The following CHN2 variants were observed in gnomAD, a reference collection of about 807,000 sequenced individuals.
CHN2 encodes chimerin 2.
CHN2 carries 35 observed loss-of-function variants against 56.3 expected under a neutral mutation model. That is an observed-to-expected ratio of 0.62 (90% CI 0.47 to 0.82). CHN2 has a LOEUF of 0.82. Among genes scored for constraint, CHN2 ranks in the 40% least tolerant of loss-of-function variants. CHN2 has a pLI of 0.00. For synonymous variants in CHN2, 210 were observed against 212.8 expected, an observed-to-expected ratio of 0.99 and a Z score of 0.12; for missense variants, 491 against 580.5, an observed-to-expected ratio of 0.85 and a Z score of 1.58.
intron 3 of CHN2, among the ~76,000 whole-genome samples, chr7:29,381,121 T>C (rs1800463898): frequency 6.6e-6 from 1 of 152,168 alleles, no homozygotes; most frequent in Non-Finnish European, 1.5e-5. Flanking sequence ...TCCTTTACAG[T>C]ATTTCTTATT....
intron 1 of CHN2, among the ~76,000 whole-genome samples, chr7:29,280,778 A>G (rs1278069876): frequency 6.6e-6 from 1 of 152,168 alleles, no homozygotes; most frequent in Non-Finnish European, 1.5e-5. Context: ...TCAAAAACCA[A>G]TGAGTGATAG....
chr7:29,448,296 G>T (rs1784171655), intron 6 of CHN2, among the ~76,000 whole-genome samples: 1 of 150,774 alleles, frequency 6.6e-6, no homozygotes, highest in African/African-American at 2.4e-5. Flanking sequence ...ATAGCTTCTT[G>T]ATATTCCCAG....
chr7:29,492,685 C>T (rs947377949), intron 7 of CHN2, among the ~76,000 whole-genome samples: 1 of 152,176 alleles, frequency 6.6e-6, no homozygotes, highest in Admixed American at 6.5e-5. Context: ...TCATAGCCAG[C>T]CTTCCTGATA....
chr7:29,180,411 C>T (rs1254466054), intron 2 of CHN2, among the ~76,000 whole-genome samples: 1 of 151,986 alleles, frequency 6.6e-6, no homozygotes, highest in Non-Finnish European at 1.5e-5. Context: ...CCTGTAGTCC[C>T]AGCTACTCAG....
chr7:29,376,844 G>C (rs10254959), intron 3 of CHN2, among the ~76,000 whole-genome samples: 7 of 152,112 alleles, frequency 4.6e-5, no homozygotes, highest in Non-Finnish European at 1.0e-4. Flanking sequence ...TAACTTTCCT[G>C]TACTCTTTTA....
intron 6 of CHN2, among the ~76,000 whole-genome samples, chr7:29,420,778 A>G (rs529304501): frequency 6.6e-6 from 1 of 151,868 alleles, no homozygotes; most frequent in South Asian, 2.1e-4. Flanking sequence ...AAGATGATAA[A>G]TTTTAGATTA....
intron 2 of CHN2, among the ~76,000 whole-genome samples, chr7:29,357,066 C>T (rs1004893538): frequency 1.3e-5 from 2 of 152,208 alleles, no homozygotes; most frequent in African/African-American, 4.8e-5. Context: ...CCAGTAACAT[C>T]TCTTAAAAGT....
rs995049026 is a variant in CHN2, at chr7:29,352,725, AAAAC to A, written c.50-1888_50-1885del. ...GTGATAGAGTGGGACTCTGTCTCAA[AAAAC>A]AAACAAACAAAAAACAAAAAAAGCA... On this transcript the variant is annotated intron_variant, in intron 1 of 12. Coordinates refer to ENST00000222792, the MANE Select transcript of CHN2 (RefSeq NM_004067.4). 7.2e-5 allele frequency among the ~76,000 whole-genome samples: 11 copies of A among 152,270 alleles called. No homozygotes were observed. The East Asian group carries it at 9.6e-4, about 13-fold the overall frequency.
At chr7:29,497,773 G>A (rs190585276) in intron 8 of CHN2, among the ~76,000 whole-genome samples, 1 of 152,292 alleles carries the variant, frequency 6.6e-6, no homozygotes, top group East Asian at 1.9e-4. Context: ...TAAAATATCA[G>A]TATTAAACTC....
chr7:29,461,136 C>A (rs1055508641), intron 6 of CHN2, among the ~76,000 whole-genome samples: 16 of 152,204 alleles, frequency 1.1e-4, no homozygotes, highest in Non-Finnish European at 8.8e-5. Context: ...ATGTTTTGAG[C>A]AACCAATCAA....
chr7:29,511,775 T>C (rs1791452769), intron 12 of CHN2, among the ~76,000 whole-genome samples: 1 of 152,056 alleles, frequency 6.6e-6, no homozygotes, highest in Non-Finnish European at 1.5e-5. Context: ...CCATTCCCTT[T>C]TACATCTATT....
intron 6 of CHN2, among the ~76,000 whole-genome samples, chr7:29,449,539 A>T (rs1418129657): frequency 6.6e-6 from 1 of 152,238 alleles, no homozygotes; most frequent in Non-Finnish European, 1.5e-5. Context: ...CAGGACAGAG[A>T]CTATATGGGC....
Position 29,195,010 on chromosome 7 carries a change from G to C in CHN2, c.49+20G>C. On this transcript the variant is annotated intron_variant, in intron 1 of 12. Coordinates refer to ENST00000222792, the MANE Select transcript of CHN2 (RefSeq NM_004067.4). ...CCTCCGGTGAGTTTCAGCCCGTCGG[G>C]CGCTGCTGCCGCGCCGGGTCTCGCC... 1.3e-6 allele frequency: 2 copies of C among 1,583,186 alleles called. No homozygotes were observed. Among genetic ancestry groups the C allele is most frequent in the Non-Finnish European group, 1.7e-6 (2 of 1,167,782 alleles).
intron 3 of CHN2, among the ~76,000 whole-genome samples, chr7:29,373,940 AT>A (rs1278065813): frequency 1.3e-5 from 2 of 152,078 alleles, no homozygotes; most frequent in Non-Finnish European, 2.9e-5. Context: ...AACAAAGTGC[AT>A]TTGGGGGAAC....
rs562407754 is a variant in CHN2, at chr7:29,253,093, C to A, written c.49+58103C>A. ...TATCAGTTAGAGACTGAGTTTCAGT[C>A]CCTGTCCAACAGCAACTCAACTATA... is the stretch of plus-strand genomic sequence containing the variant. On this transcript the variant is annotated intron_variant, in intron 1 of 12. Transcript: ENST00000222792. Among the ~76,000 whole-genome samples the A allele has an allele frequency of 7.2e-5, 11 of 152,272 alleles. No homozygotes were observed. The South Asian group carries it at 2.3e-3, about 32-fold the overall frequency.
intron 1 of CHN2, among the ~76,000 whole-genome samples, chr7:29,250,864 CCATG>C (rs1788452458): frequency 7.7e-6 from 1 of 129,706 alleles, no homozygotes; most frequent in Admixed American, 7.5e-5. Flanking sequence ...GCACCCGCCA[CCATG>C]CCAGGCTAAT....
intron 6 of CHN2, among the ~76,000 whole-genome samples, chr7:29,449,222 C>G (rs546262431): frequency 1.6e-4 from 24 of 152,120 alleles, no homozygotes; most frequent in Non-Finnish European, 2.6e-4. Context: ...AAATGGGAGG[C>G]TCTAAATAAT....
intron 1 of CHN2, among the ~76,000 whole-genome samples, chr7:29,280,615 G>A (rs1443888838): frequency 6.6e-6 from 1 of 152,114 alleles, no homozygotes; most frequent in Non-Finnish European, 1.5e-5. Flanking sequence ...AAGGCACTGG[G>A]TGTAGAAGTG....
chr7:29,484,726 G>A (rs763044814), intron 7 of CHN2, among the ~76,000 whole-genome samples: 5 of 152,086 alleles, frequency 3.3e-5, no homozygotes, highest in East Asian at 1.9e-4. Flanking sequence ...CACACCTTTC[G>A]GGGGATATAC....
Sources: gnomAD v4.1 joint callset for allele counts (sites outside exome capture counted in the v4.1 genomes callset) on GRCh38, gnomAD v4.1.1 for gene constraint, MANE v1.5 for transcripts, NCBI Gene and HGNC (gene_info 2026-07-23, HGNC 2026-07-21) for gene names.